Variants in CDIP1 observed in about 807,000 individuals in gnomAD.
The protein encoded by CDIP1 is cell death inducing p53 target 1.
In CDIP1, 9 loss-of-function variants were observed where a neutral mutation model predicts 17.7. That is an observed-to-expected ratio of 0.51 (90% CI 0.31 to 0.89). The LOEUF (loss-of-function observed/expected upper bound fraction) is 0.89, where lower values mean the gene tolerates loss of function less well. CDIP1 is among the 40% of genes least tolerant of loss of function. The pLI, the probability that CDIP1 is intolerant of heterozygous loss-of-function variation, is 0.05. For missense variants in CDIP1, 263 were observed against 277.9 expected, an observed-to-expected ratio of 0.95 and a Z score of 0.38; for synonymous variants, 117 against 109.5, an observed-to-expected ratio of 1.07 and a Z score of -0.43.
chr16:4,525,572 C>T (rs1294380526), intron 1 of CDIP1, among the ~76,000 whole-genome samples: 2 of 152,212 alleles, frequency 1.3e-5, no homozygotes. Flanking sequence ...ATGCCCTATC[C>T]AAACCTGGGG....
In CDIP1 at chr16:4,512,471, C is replaced by T. The variant is rs1291552904; in HGVS notation, c.*101G>A. 1 of 844,772 alleles carries T rather than the reference C, an allele frequency of 1.2e-6. No individual in the cohort carries two copies. Among genetic ancestry groups the T allele is most frequent in the Admixed American group, 2.0e-5 (1 of 51,076 alleles). The allele number at this position is 844,772 out of a possible 1,614,324, so 52.3% of individuals were successfully genotyped here. A position where few individuals can be genotyped will look rare whatever the true frequency, so the allele number is the denominator to read the frequency against. ...GGACTTCTAGGGGATGGTGGCACGG[C>T]TCCCAGCCCCAAGTGGGAGCGGGAA... On this transcript the variant is annotated 3_prime_UTR_variant, in exon 6 of 6. Transcript: ENST00000567695. The surrounding 1 kb of genome is among the most constrained non-coding windows in gnomAD (Gnocchi z 4.6).
chr16:4,529,279 C>T (rs1157285404), intron 1 of CDIP1, among the ~76,000 whole-genome samples: 1 of 152,078 alleles, frequency 6.6e-6, no homozygotes, highest in Non-Finnish European at 1.5e-5. Flanking sequence ...TAGGAGACCC[C>T]GCCAGGAGAC....
chr16:4,529,069 G>T lies in CDIP1; in HGVS notation c.-105+9633C>A, dbSNP rs1424117229. Among the ~76,000 whole-genome samples the T allele has an allele frequency of 3.9e-5, 6 of 152,204 alleles. No individual in the cohort carries two copies. The East Asian group carries it at 1.2e-3, about 29-fold the overall frequency. On this transcript the variant is annotated intron_variant, in intron 1 of 5. Coordinates refer to ENST00000567695, the MANE Select transcript of CDIP1 (RefSeq NM_013399.3). The stretch of plus-strand genomic sequence containing the variant: ...GACTATAATCTAATTTCACCTACAG[G>T]AGAAAATGCTCTGCAGAGCAAGCCA...
chr16:4,521,156 G>C (rs909431099), intron 1 of CDIP1, among the ~76,000 whole-genome samples: 1 of 152,144 alleles, frequency 6.6e-6, no homozygotes, highest in African/African-American at 2.4e-5. Flanking sequence ...GACCAGCACA[G>C]TGTGGTGCCA....
intron 1 of CDIP1, among the ~76,000 whole-genome samples, chr16:4,515,729 A>G (rs1267935284): frequency 6.6e-6 from 1 of 152,250 alleles, no homozygotes; most frequent in African/African-American, 2.4e-5. Flanking sequence ...CCTATCTACT[A>G]GGATGGCTAA....
intron 1 of CDIP1, among the ~76,000 whole-genome samples, chr16:4,530,664 A>C (rs995323268): frequency 4.0e-5 from 6 of 151,774 alleles, no homozygotes; most frequent in Non-Finnish European, 8.8e-5. Context: ...AAAAAAACAA[A>C]AACAAAAAAA....
chr16:4,510,981 G>C lies in CDIP1; in HGVS notation c.*1591C>G, dbSNP rs895272962. ...TGGATGATGCTGTGCTCAAGCCTGC[G>C]GGTAGGAGGGCTCCAGCTTGCAGAT... On this transcript the variant is annotated 3_prime_UTR_variant, in exon 6 of 6. Transcript: ENST00000567695. 1 of 152,196 alleles carries C rather than the reference G, an allele frequency of 6.6e-6. No homozygotes were observed. The highest frequency in any genetic ancestry group is 1.5e-5 in the Non-Finnish European group (1 of 68,078). The allele number at this position is 152,196 out of a possible 1,614,324, so 9.4% of individuals were successfully genotyped here.
chr16:4,519,796 A>G (rs1318670166), intron 1 of CDIP1, among the ~76,000 whole-genome samples: 1 of 147,234 alleles, frequency 6.8e-6, no homozygotes, highest in African/African-American at 2.6e-5. Context: ...TCCCCTTCTC[A>G]CCCCCTCTCT....
Position 4,511,792 on chromosome 16 carries a change from C to A in CDIP1, c.*780G>T, listed in dbSNP as rs2058832864. On this transcript the variant is annotated 3_prime_UTR_variant, in exon 6 of 6. Coordinates refer to ENST00000567695, the MANE Select transcript of CDIP1 (RefSeq NM_013399.3). ...GACGGGAAGGGGCTAGGCTCAGGGGCTCCTTCCGGCCCCAGCAATACAGGG... is the reference window on the plus strand; with the variant it reads ...GACGGGAAGGGGCTAGGCTCAGGGGATCCTTCCGGCCCCAGCAATACAGGG... 1 of 152,828 alleles carries A rather than the reference C, an allele frequency of 6.5e-6. No homozygotes were observed. 9.5% of individuals were successfully genotyped at this position (152,828 alleles called of 1,614,324 possible).
intron 1 of CDIP1, among the ~76,000 whole-genome samples, chr16:4,515,784 C>A (rs868406085): frequency 6.6e-6 from 1 of 152,104 alleles, no homozygotes; most frequent in African/African-American, 2.4e-5. Flanking sequence ...AAACTGGAAC[C>A]CTCATACACT....
intron 1 of CDIP1, among the ~76,000 whole-genome samples, chr16:4,520,707 C>G (rs1200020163): frequency 6.6e-6 from 1 of 152,114 alleles, no homozygotes; most frequent in Non-Finnish European, 1.5e-5. Flanking sequence ...CATTTGAAAG[C>G]TTGAATTTCA....
rs767327278 is a variant in CDIP1, at chr16:4,513,771, G to A, written c.166C>T (p.Pro56Ser). ...PADIGPPPYE[P>S]PGHPMPQPGF... The stretch of plus-strand genomic sequence containing the variant: ...GGCTGGGGCATTGGGTGACCCGGCG[G>A]CTCATAGGGTGGGGGGCCAATGTCC... The change falls in exon 4 of 6, where the codon CCG becomes TCG. Residue 56 changes from proline to serine, a missense_variant. By Grantham distance (74) the Pro-to-Ser change is moderately conservative. Transcript: ENST00000567695. The surrounding 1 kb of genome is among the most constrained non-coding windows in gnomAD (Gnocchi z 4.1). The A allele has an allele frequency of 1.2e-6, 2 of 1,611,434 alleles. No individual in the cohort carries two copies. The highest frequency in any genetic ancestry group is 1.7e-6 in the Non-Finnish European group (2 of 1,178,282).
chr16:4,522,322 T>C (rs1374782721), intron 1 of CDIP1: 1 of 152,288 alleles, frequency 6.6e-6, no homozygotes, highest in Non-Finnish European at 1.5e-5. Context: ...GCTCCACCAA[T>C]ACACCCTGGT....
intron 1 of CDIP1, among the ~76,000 whole-genome samples, chr16:4,517,215 A>G (rs1276285500): frequency 6.6e-6 from 1 of 152,166 alleles, no homozygotes; most frequent in East Asian, 1.9e-4. Flanking sequence ...CCAGTTATTA[A>G]TTTTCATATT....
intron 1 of CDIP1, among the ~76,000 whole-genome samples, chr16:4,518,323 T>G (rs1045353576): frequency 2.6e-5 from 4 of 152,218 alleles, no homozygotes. Context: ...GATGATAGGG[T>G]GTAAGCCCAC....
rs193087625 is a variant in CDIP1, at chr16:4,528,509, A to G, written c.-105+10193T>C. On this transcript the variant is annotated intron_variant, in intron 1 of 5. Coordinates refer to ENST00000567695, the MANE Select transcript of CDIP1 (RefSeq NM_013399.3). ...TAATGGTAGGCAGCACCTTTACATG[A>G]CTCCTTCCTCAAAATGCTCATTATA... Among the ~76,000 whole-genome samples, 6 of 151,706 alleles carry G rather than the reference A, an allele frequency of 4.0e-5. No individual in the cohort carries two copies. In the East Asian group the frequency reaches 1.2e-3, roughly 29 times the overall value.
chr16:4,517,088 C>T (rs1423237754), intron 1 of CDIP1, among the ~76,000 whole-genome samples: 3 of 152,108 alleles, frequency 2.0e-5, no homozygotes, highest in African/African-American at 7.2e-5. Context: ...CACCTCTGTC[C>T]ACCGCTCTTT....
intron 1 of CDIP1, among the ~76,000 whole-genome samples, chr16:4,521,684 AAG>A (rs2058950261): frequency 6.7e-6 from 1 of 148,796 alleles, no homozygotes; most frequent in Non-Finnish European, 1.5e-5. Flanking sequence ...ACAACATGGC[AAG>A]ACGTCATCAA....
In CDIP1 at chr16:4,513,867, C is replaced by A. The variant is rs761285379; in HGVS notation, c.86-16G>T. The A allele has an allele frequency of 6.5e-7, 1 of 1,545,306 alleles. No homozygotes were observed. On this transcript the variant is annotated splice_polypyrimidine_tract_variant and intron_variant, in intron 3 of 5. Coordinates refer to ENST00000567695, the MANE Select transcript of CDIP1 (RefSeq NM_013399.3). The surrounding 1 kb of genome is among the most constrained non-coding windows in gnomAD (Gnocchi z 4.1). ...GAGGAACGGCCTGGACAGAGAGAGG[C>A]AGAAAGAGGAGACTGAGCTGGAGCC...
Sources: gnomAD v4.1 joint callset for allele counts (sites outside exome capture counted in the v4.1 genomes callset) on GRCh38, gnomAD v4.1.1 for gene constraint, Gnocchi (gnomAD v3.1) non-coding constraint, MANE v1.5 for transcripts, NCBI Gene and HGNC (gene_info 2026-07-23, HGNC 2026-07-21) for gene names.